Variants in GNAI3 observed in about 807,000 individuals in gnomAD.
GNAI3 encodes G protein subunit alpha i3, also known as guanine nucleotide-binding protein G(i) subunit alpha-3.
Under a neutral mutation model 41.8 loss-of-function variants are expected in GNAI3, and 12 were observed. The observed-to-expected ratio is 0.29, with a 90% CI of 0.18 to 0.47. The LOEUF (loss-of-function observed/expected upper bound fraction) is 0.47. Ranked by LOEUF, GNAI3 falls within the 20% of genes least tolerant of loss-of-function variation. The pLI is 1.00. For synonymous variants in GNAI3, 132 were observed against 146.5 expected (o/e 0.90, Z 0.71); for missense variants, 360 against 429.6 (o/e 0.84, Z 1.43).
rs1162225481 is a variant in GNAI3 at position 109,596,079 on chromosome 1, A to C, written c.*3757A>C. On this transcript the variant is annotated 3_prime_UTR_variant, in exon 9 of 9. Coordinates refer to ENST00000369851, the MANE Select transcript of GNAI3 (RefSeq NM_006496.4). ...CTTTATGATCATCATATTTTGTTGT[A>C]TTGCTCCCAACAAGCACAAGAGAAA... 1 of 152,136 alleles carries C rather than the reference A, an allele frequency of 6.6e-6. No individual in the cohort carries two copies. The highest frequency in any genetic ancestry group is 1.5e-5 in the Non-Finnish European group (1 of 68,026). The allele number at this position is 152,136 out of a possible 1,614,324, so 9.4% of individuals were successfully genotyped here. A position where few individuals can be genotyped will look rare whatever the true frequency, so the allele number is the denominator to read the frequency against.
In GNAI3 at chr1:109,595,772, G is replaced by C. The variant is rs941367318; in HGVS notation, c.*3450G>C. ...GTATTGCAGTCATATATAAGGTAAA[G>C]TCAGTCTCTTGTTCCTATTAAAAAG... On this transcript the variant is annotated 3_prime_UTR_variant, in exon 9 of 9. Coordinates refer to ENST00000369851, the MANE Select transcript of GNAI3 (RefSeq NM_006496.4). 7 of 151,326 alleles carry C rather than the reference G, an allele frequency of 4.6e-5. No individual in the cohort carries two copies. Among genetic ancestry groups the C allele is most frequent in the Non-Finnish European group, 8.8e-5 (6 of 67,930 alleles). 9.4% of individuals were successfully genotyped at this position (151,326 alleles called of 1,614,324 possible).
Position 109,573,796 on chromosome 1 carries a change from C to T in GNAI3, c.161+17C>T, listed in dbSNP as rs774134437. On this transcript the variant is annotated intron_variant, in intron 2 of 8. Transcript: ENST00000369851. Reference sequence around the variant, plus strand: ...ACAGATGAAGTAAGTTGGAATGTAGCGTTTTGTTAGACTAGGATTTCTCCT... The same window carrying T: ...ACAGATGAAGTAAGTTGGAATGTAGTGTTTTGTTAGACTAGGATTTCTCCT... 2 of 1,606,362 alleles carry T rather than the reference C, an allele frequency of 1.2e-6. No homozygotes were observed. Among genetic ancestry groups the T allele is most frequent in the East Asian group, 2.2e-5 (1 of 44,826 alleles).
At chr1:109,559,825 C>G (rs1648261572) in intron 1 of GNAI3, among the ~76,000 whole-genome samples, 1 of 152,168 alleles carries the variant, frequency 6.6e-6, no homozygotes, top group African/African-American at 2.4e-5. Context: ...TAGTAATCAG[C>G]TGTATCATTT....
At chr1:109,578,078 T>C (rs759109019) in intron 3 of GNAI3, among the ~76,000 whole-genome samples, 1 of 152,220 alleles carries the variant, frequency 6.6e-6, no homozygotes, top group Non-Finnish European at 1.5e-5. Context: ...AACCAACAAG[T>C]AGGGATGGAT....
intron 1 of GNAI3, among the ~76,000 whole-genome samples, chr1:109,560,337 G>A (rs1468852045): frequency 2.6e-5 from 4 of 152,180 alleles, no homozygotes; most frequent in Non-Finnish European, 5.9e-5. Context: ...TACCTTGGAA[G>A]TAGATAGTAT....
chr1:109,567,570 G>A (rs993000512), intron 1 of GNAI3, among the ~76,000 whole-genome samples: 3 of 152,178 alleles, frequency 2.0e-5, no homozygotes, highest in Admixed American at 1.3e-4. Flanking sequence ...TAACTTTTAG[G>A]TTATAAGTTG....
chr1:109,548,990 A>T (rs1647905381), intron 1 of GNAI3, 152 bp downstream of exon 1: 18 of 324,226 alleles, frequency 5.6e-5, no homozygotes, highest in Non-Finnish European at 7.3e-5. Context: ...TTCCTAGCTG[A>T]GGCCCCAGAG....
Position 109,592,488 on chromosome 1 carries a change from T to C in GNAI3, c.*166T>C. 3.3e-6 allele frequency: 1 copy of C among 304,338 alleles called. No individual in the cohort carries two copies. The highest frequency in any genetic ancestry group is 1.2e-4 in the South Asian group (1 of 8,458). 18.9% of individuals were successfully genotyped at this position (304,338 alleles called of 1,614,324 possible). A position where few individuals can be genotyped will look rare whatever the true frequency, so the allele number is the denominator to read the frequency against. On this transcript the variant is annotated 3_prime_UTR_variant, in exon 9 of 9. Coordinates refer to ENST00000369851, the MANE Select transcript of GNAI3 (RefSeq NM_006496.4). ...ATATTTTGTATTAGGGAACTTTTAATTGACATGAGATGCTAAAGTCAGACA... is the reference window on the plus strand; with the variant it reads ...ATATTTTGTATTAGGGAACTTTTAACTGACATGAGATGCTAAAGTCAGACA...
Position 109,598,671 on chromosome 1 carries a change from G to A in GNAI3, c.*6349G>A, listed in dbSNP as rs1468020428. The A allele has an allele frequency of 4.4e-6, 1 of 225,792 alleles. No homozygotes were observed. Among genetic ancestry groups the A allele is most frequent in the Non-Finnish European group, 9.4e-6 (1 of 105,880 alleles). 14.0% of individuals were successfully genotyped at this position (225,792 alleles called of 1,614,324 possible). A position where few individuals can be genotyped will look rare whatever the true frequency, so the allele number is the denominator to read the frequency against. ...TAAAATTCGTGAAGCAGGGTGAAAA[G>A]GTCTTTGCTTTGTTTTACATTTAAA... On this transcript the variant is annotated 3_prime_UTR_variant, in exon 9 of 9. Transcript: ENST00000369851.
At chr1:109,582,256 G>A (rs935726679) in intron 4 of GNAI3, among the ~76,000 whole-genome samples, 181 bp from the exon 5 acceptor site, 1 of 152,182 alleles carries the variant, frequency 6.6e-6, no homozygotes, top group African/African-American at 2.4e-5. Context: ...CTCCCAGAGT[G>A]TTGGGATTAC....
At chr1:109,581,725 T>TA (rs949822311) in intron 4 of GNAI3, among the ~76,000 whole-genome samples, 1 of 151,848 alleles carries the variant, frequency 6.6e-6, no homozygotes, top group Non-Finnish European at 1.5e-5. Flanking sequence ...CCATCTCTAC[T>TA]AAAAATACAA....
chr1:109,548,790 C>A lies in GNAI3; in HGVS notation c.70C>A (p.Arg24=). The change falls in exon 1 of 9, where the codon CGG becomes AGG. Residue 24 remains arginine (R), a synonymous_variant. Coordinates refer to ENST00000369851, the MANE Select transcript of GNAI3 (RefSeq NM_006496.4). ...AAGCAAGATGATCGACCGCAACTTA[C>A]GGGAGGACGGGGAAAAAGCGGCCAA... ...ERSKMIDRNL[R]EDGEKAAKEV... 6.2e-7 allele frequency: 1 copy of A among 1,612,808 alleles called. No individual in the cohort carries two copies. The highest frequency in any genetic ancestry group is 8.5e-7 in the Non-Finnish European group (1 of 1,179,416).
chr1:109,555,531 A>G (rs1648116086), intron 1 of GNAI3, among the ~76,000 whole-genome samples: 1 of 152,184 alleles, frequency 6.6e-6, no homozygotes, highest in African/African-American at 2.4e-5. Flanking sequence ...CCTTTTCAGG[A>G]ATTAAAATAA....
rs546479640 is a variant in GNAI3 at position 109,594,640 on chromosome 1, C to T, written c.*2318C>T. On this transcript the variant is annotated 3_prime_UTR_variant, in exon 9 of 9. Coordinates refer to ENST00000369851, the MANE Select transcript of GNAI3 (RefSeq NM_006496.4). ...GATTGACTTTTGGCTGGTGGGCTGG[C>T]AATCGATTTTTTTTTTTTTTTTTTT... The T allele has an allele frequency of 2.1e-5, 3 of 143,256 alleles. No homozygotes were observed. The highest frequency in any genetic ancestry group is 1.5e-4 in the Admixed American group (2 of 13,534). 8.9% of individuals were successfully genotyped at this position (143,256 alleles called of 1,614,324 possible). A position where few individuals can be genotyped will look rare whatever the true frequency, so the allele number is the denominator to read the frequency against.
intron 1 of GNAI3, among the ~76,000 whole-genome samples, chr1:109,562,340 CA>C (rs1395957593): frequency 2.0e-5 from 3 of 152,074 alleles, no homozygotes; most frequent in Non-Finnish European, 4.4e-5. Context: ...GAAAATACTA[CA>C]CCATTTTATG....
At position 109,554,351 on chromosome 1, in the gene GNAI3, C is replaced by T. The variant is rs193026232; in HGVS notation, c.118+5513C>T. Among the ~76,000 whole-genome samples, 43 of 152,112 alleles carry T rather than the reference C, an allele frequency of 2.8e-4. No homozygotes were observed. In the East Asian group the frequency reaches 5.6e-3, roughly 20 times the overall value. On this transcript the variant is annotated intron_variant, in intron 1 of 8. Transcript: ENST00000369851. Reference sequence around the variant, plus strand: ...TACTAGTTTACATTCCCACCAACAGCGTGAAGGTGTTCCCTTTTCATCACA... The same window carrying T: ...TACTAGTTTACATTCCCACCAACAGTGTGAAGGTGTTCCCTTTTCATCACA...
At chr1:109,583,129 A>C (rs368625796) in intron 5 of GNAI3, among the ~76,000 whole-genome samples, 17 of 152,362 alleles carry the variant, frequency 1.1e-4, no homozygotes, top group African/African-American at 4.1e-4. Flanking sequence ...AATACAGTGC[A>C]GAATGGAAAA....
intron 1 of GNAI3, among the ~76,000 whole-genome samples, chr1:109,552,802 A>G (rs1014961815): frequency 1.3e-5 from 2 of 152,056 alleles, no homozygotes; most frequent in South Asian, 4.1e-4. Context: ...AGCCTTACAA[A>G]TATTTTTAAT....
intron 1 of GNAI3, among the ~76,000 whole-genome samples, chr1:109,563,809 TTTAATG>T (rs1238410567): frequency 6.6e-6 from 1 of 152,204 alleles, no homozygotes; most frequent in Non-Finnish European, 1.5e-5. Flanking sequence ...TCTGGAAATG[TTTAATG>T]AAACAGTAAC....
Sources: allele counts gnomAD v4.1 joint callset (sites outside exome capture counted in the v4.1 genomes callset), GRCh38; gene constraint gnomAD v4.1.1; transcripts MANE v1.5; gene names NCBI Gene and HGNC (gene_info 2026-07-23, HGNC 2026-07-21).